FAM53B: variants seen among roughly 807,000 people sequenced by gnomAD.
FAM53B encodes family with sequence similarity 53 member B.
A neutral mutation model predicts 32.7 loss-of-function variants in FAM53B; 12 were observed. The ratio of observed to expected loss-of-function variants is 0.37; its 90% CI spans 0.24 to 0.59. The LOEUF (loss-of-function observed/expected upper bound fraction) is 0.59. Among genes scored for constraint, FAM53B ranks in the 20% least tolerant of loss-of-function variants. FAM53B has a pLI of 0.72. For synonymous variants in FAM53B, 234 were observed against 228.7 expected (o/e 1.02, Z -0.21); for missense variants, 477 against 577.7 (o/e 0.83, Z 1.79).
chr10:124,669,714 C>T (rs1478791025), intron 4 of FAM53B, among the ~76,000 whole-genome samples: 1 of 152,174 alleles, frequency 6.6e-6, no homozygotes, highest in African/African-American at 2.4e-5. Flanking sequence ...AGGAAGGGAG[C>T]CCTATGGAGA....
intron 3 of FAM53B, among the ~76,000 whole-genome samples, chr10:124,692,443 G>T (rs759175002): frequency 1.3e-4 from 20 of 152,070 alleles, no homozygotes; most frequent in Non-Finnish European, 2.8e-4. Context: ...GGCCAGGCGC[G>T]GTGGCTCATG....
chr10:124,729,864 G>T (rs1020058778), intron 1 of FAM53B, among the ~76,000 whole-genome samples: 1 of 151,634 alleles, frequency 6.6e-6, no homozygotes, highest in African/African-American at 2.4e-5. Context: ...GGAGATCTAC[G>T]CCCTCCATAT....
intron 1 of FAM53B, among the ~76,000 whole-genome samples, chr10:124,723,340 A>G (rs1950081355): frequency 6.6e-6 from 1 of 152,246 alleles, no homozygotes; most frequent in African/African-American, 2.4e-5. Flanking sequence ...TCTTGCTTGC[A>G]GGGGGTTTCC....
In FAM53B at chr10:124,706,666, G is replaced by A; in HGVS notation, c.48C>T (p.Ser16=). The A allele has an allele frequency of 1.2e-6, 2 of 1,614,196 alleles. No homozygotes were observed. The highest frequency in any genetic ancestry group is 1.7e-6 in the Non-Finnish European group (2 of 1,180,030). ...CACGGCTGAAGGTCCCACATGCAAT[G>A]GAGTCAGCTCCCCGGGTGCTGAGGC... ...SESLSTRGAD[S]IACGTFSREL... Residue 16 remains serine (S), a synonymous_variant, in exon 2 of 5, where the codon TCC becomes TCT. Transcript: ENST00000337318.
At position 124,623,342 on chromosome 10, in the gene FAM53B, C is replaced by A; in HGVS notation, c.1169G>T (p.Arg390Ile). 1 of 1,612,504 alleles carries A rather than the reference C, an allele frequency of 6.2e-7. No homozygotes were observed. Among genetic ancestry groups the A allele is most frequent in the South Asian group, 1.1e-5 (1 of 91,084 alleles). ...SCALDEDCGR[R>I]AEPAAAWRDR... ...CCGCCAGGCTGCAGCCGGCTCCGCTCTCCTGCCACAATCCTCGTCCAGGGC... is the reference window on the plus strand; with the variant it reads ...CCGCCAGGCTGCAGCCGGCTCCGCTATCCTGCCACAATCCTCGTCCAGGGC... The change falls in exon 5 of 5, where the codon AGA (arginine) becomes ATA (isoleucine). Residue 390 changes from arginine (R) to isoleucine (I), a missense_variant. Transcript: ENST00000337318.
At chr10:124,705,985 C>G (rs1421525594) in intron 2 of FAM53B, among the ~76,000 whole-genome samples, 1 of 152,226 alleles carries the variant, frequency 6.6e-6, no homozygotes, top group Non-Finnish European at 1.5e-5. Flanking sequence ...TGGCTTCTCG[C>G]TCCCTCCACA....
intron 4 of FAM53B, among the ~76,000 whole-genome samples, chr10:124,674,607 C>G (rs1949725985): frequency 6.6e-6 from 1 of 152,242 alleles, no homozygotes; most frequent in African/African-American, 2.4e-5. Flanking sequence ...CCTTCAGAAG[C>G]CTGGGAACGA....
intron 4 of FAM53B, among the ~76,000 whole-genome samples, chr10:124,662,425 T>A (rs990082314): frequency 6.6e-6 from 1 of 151,892 alleles, no homozygotes; most frequent in Non-Finnish European, 1.5e-5. Flanking sequence ...CGTCCGTCCA[T>A]CCATCCATCC....
chr10:124,675,374 GCCCA>G (rs1298406926), intron 4 of FAM53B, among the ~76,000 whole-genome samples: 4 of 152,200 alleles, frequency 2.6e-5, no homozygotes, highest in African/African-American at 9.7e-5. Flanking sequence ...CAGGATCCCG[GCCCA>G]CCAAGAGTGG....
Position 124,734,692 on chromosome 10 carries a change from A to G in FAM53B, c.-175+9321T>C, listed in dbSNP as rs76154406. 4.3e-3 allele frequency among the ~76,000 whole-genome samples: 654 copies of G among 152,346 alleles called. 2 individuals carry two copies. The highest frequency in any genetic ancestry group is 0.015 in the African/African-American group (620 of 41,578). On this transcript the variant is annotated intron_variant, in intron 1 of 4. Transcript: ENST00000337318. Reference sequence around the variant, plus strand: ...GGCCCCCTCCCAGAACCTAGTGAACAGCATGAGTCTTCACACTCCATACAA... The same window carrying G: ...GGCCCCCTCCCAGAACCTAGTGAACGGCATGAGTCTTCACACTCCATACAA...
chr10:124,629,690 C>G (rs1394457753), intron 4 of FAM53B, among the ~76,000 whole-genome samples: 1 of 152,248 alleles, frequency 6.6e-6, no homozygotes, highest in Non-Finnish European at 1.5e-5. Context: ...TGGAAATTTT[C>G]TAAGTCCCAT....
At chr10:124,730,696 G>C (rs999276310) in intron 1 of FAM53B, among the ~76,000 whole-genome samples, 1 of 152,220 alleles carries the variant, frequency 6.6e-6, no homozygotes, top group African/African-American at 2.4e-5. Flanking sequence ...ACCGCATGCA[G>C]CTATTAAGCA....
rs1479028804 is a variant in FAM53B, at chr10:124,651,816, CTG to C, written c.907-28214_907-28213del. 6.6e-6 allele frequency among the ~76,000 whole-genome samples: 1 copy of C among 152,238 alleles called. No individual in the cohort carries two copies. Among genetic ancestry groups the C allele is most frequent in the Non-Finnish European group, 1.5e-5 (1 of 68,030 alleles). ...ACGCCACCCCTGCTGTCTACTATGA[CTG>C]GGCCTGGAACGTTCACGCCAGCCCC... On this transcript the variant is annotated intron_variant, in intron 4 of 4. Coordinates refer to ENST00000337318, the MANE Select transcript of FAM53B (RefSeq NM_014661.4). The surrounding 1 kb of genome is among the most constrained non-coding windows in gnomAD (Gnocchi z 5.2).
intron 1 of FAM53B, among the ~76,000 whole-genome samples, chr10:124,709,482 C>A (rs1949985064): frequency 6.6e-6 from 1 of 152,202 alleles, no homozygotes; most frequent in African/African-American, 2.4e-5. Context: ...AAGGAGAAGG[C>A]AGGTGTAGCA....
At chr10:124,677,163 C>T (rs1823925) in intron 4 of FAM53B, among the ~76,000 whole-genome samples, 1,913 of 152,346 alleles carry the variant, frequency 0.013, 74 homozygotes, top group Admixed American at 0.07. Flanking sequence ...TTTGCTCACA[C>T]ACACGTGATC....
chr10:124,684,086 G>A (rs1242838599), intron 3 of FAM53B, among the ~76,000 whole-genome samples: 1 of 152,256 alleles, frequency 6.6e-6, no homozygotes, highest in Non-Finnish European at 1.5e-5. Flanking sequence ...ATCCTGCCAA[G>A]GTCATGAGAT....
intron 1 of FAM53B, chr10:124,742,338 T>C (rs1950204903): frequency 1.3e-5 from 2 of 152,170 alleles, no homozygotes; most frequent in African/African-American, 2.4e-5. Flanking sequence ...TGCAATTCAA[T>C]ATCAAAACTG....
intron 4 of FAM53B, among the ~76,000 whole-genome samples, chr10:124,660,471 C>A (rs1347836360): frequency 2.0e-5 from 3 of 152,242 alleles, no homozygotes; most frequent in Non-Finnish European, 4.4e-5. Context: ...ACCAAGGCTC[C>A]AGTTAGCCAA....
intron 4 of FAM53B, among the ~76,000 whole-genome samples, chr10:124,638,296 G>A (rs2134042789): frequency 6.6e-6 from 1 of 152,258 alleles, no homozygotes; most frequent in Non-Finnish European, 1.5e-5. Context: ...CATGAACCTG[G>A]GAGGCGGAGC....
Sources: gnomAD v4.1 joint callset for allele counts (sites outside exome capture counted in the v4.1 genomes callset) on GRCh38, gnomAD v4.1.1 for gene constraint, Gnocchi (gnomAD v3.1) non-coding constraint, MANE v1.5 for transcripts, NCBI Gene and HGNC (gene_info 2026-07-23, HGNC 2026-07-21) for gene names.